LHFPL3: variants seen among roughly 807,000 people sequenced by gnomAD.
The protein encoded by LHFPL3 is LHFPL tetraspan subfamily member 3 protein.
A neutral mutation model predicts 19.3 loss-of-function variants in LHFPL3; 5 were observed. The ratio of observed to expected loss-of-function variants is 0.26; its 90% CI spans 0.14 to 0.54. LHFPL3 has a LOEUF of 0.54. Among genes scored for constraint, LHFPL3 ranks in the 20% least tolerant of loss-of-function variants. The probability of loss-of-function intolerance (pLI) is 0.94; values close to 1 mark genes in which losing one functional copy is unlikely to be tolerated. For synonymous variants in LHFPL3, 133 were observed against 126.2 expected, an observed-to-expected ratio of 1.05 and a Z score of -0.36; for missense variants, 249 against 307.4, an observed-to-expected ratio of 0.81 and a Z score of 1.42.
At chr7:104,705,534 T>C (rs912448297) in intron 1 of LHFPL3, among the ~76,000 whole-genome samples, 1 of 152,204 alleles carries the variant, frequency 6.6e-6, no homozygotes, top group African/African-American at 2.4e-5. Flanking sequence ...TTCAGTTCTA[T>C]GAGTAGGAGT....
Position 104,550,516 on chromosome 7 carries a change from G to A in LHFPL3, c.446-186159G>A, listed in dbSNP as rs573127227. Among the ~76,000 whole-genome samples, 3 of 152,268 alleles carry A rather than the reference G, an allele frequency of 2.0e-5. No homozygotes were observed. The South Asian group carries it at 6.2e-4, about 32-fold the overall frequency. On this transcript the variant is annotated intron_variant, in intron 1 of 2. Coordinates refer to ENST00000424859, the MANE Select transcript of LHFPL3 (RefSeq NM_199000.3). ...ATCTGAAAAGCCACAGAATACATGA[G>A]AGGAAAAAGGTGGAAGAGAAGCTGG... is the stretch of plus-strand genomic sequence containing the variant.
At chr7:104,829,378 G>GCA (rs1790891535) in intron 2 of LHFPL3, among the ~76,000 whole-genome samples, 1 of 151,640 alleles carries the variant, frequency 6.6e-6, no homozygotes, top group Non-Finnish European at 1.5e-5. Flanking sequence ...TGTGCACAAT[G>GCA]TGCAAATTAC....
At chr7:104,664,386 T>C (rs950966368) in intron 1 of LHFPL3, among the ~76,000 whole-genome samples, 2 of 152,212 alleles carry the variant, frequency 1.3e-5, no homozygotes, top group African/African-American at 2.4e-5. Flanking sequence ...TTAAAAACTT[T>C]AAGATGTCTC....
At chr7:104,716,070 C>T (rs1284061587) in intron 1 of LHFPL3, among the ~76,000 whole-genome samples, 1 of 152,054 alleles carries the variant, frequency 6.6e-6, no homozygotes, top group Non-Finnish European at 1.5e-5. Flanking sequence ...AAATCAGGGC[C>T]AGGCACGCTG....
At chr7:104,397,143 G>A (rs1437199380) in intron 1 of LHFPL3, among the ~76,000 whole-genome samples, 1 of 151,990 alleles carries the variant, frequency 6.6e-6, no homozygotes, top group Non-Finnish European at 1.5e-5. Flanking sequence ...ACATGAAAAT[G>A]TTCTTATAGA....
In LHFPL3 at chr7:104,766,228, A is replaced by G. The variant is rs78820307; in HGVS notation, c.682+29317A>G. ...TGATATGGGAGATTATCTAGAGAGC[A>G]ATGAGTGGAATGATCAAAAACTAAA... On this transcript the variant is annotated intron_variant, in intron 2 of 2. Transcript: ENST00000424859. 4.6e-3 allele frequency among the ~76,000 whole-genome samples: 699 copies of G among 152,296 alleles called. 31 individuals carry two copies. The East Asian group carries it at 0.1, about 22-fold the overall frequency.
chr7:104,845,384 G>T (rs1218487764), intron 2 of LHFPL3: 1 of 1,524,406 alleles, frequency 6.6e-7, no homozygotes, highest in Admixed American at 2.0e-5. Flanking sequence ...ACTCTCAGAT[G>T]ATGGAAATGC....
chr7:104,357,414 C>A (rs1790302078), intron 1 of LHFPL3, among the ~76,000 whole-genome samples: 1 of 152,104 alleles, frequency 6.6e-6, no homozygotes, highest in Non-Finnish European at 1.5e-5. Flanking sequence ...AGTTATTGAC[C>A]TGGGGCTTCT....
chr7:104,486,045 C>G (rs931174501), intron 1 of LHFPL3, among the ~76,000 whole-genome samples: 6 of 152,188 alleles, frequency 3.9e-5, no homozygotes, highest in Admixed American at 2.6e-4. Context: ...CCTTCAAGTA[C>G]TGATGGAATC....
At chr7:104,500,340 AT>A (rs5886323) in intron 1 of LHFPL3, among the ~76,000 whole-genome samples, 20,349 of 152,226 alleles carry the variant, frequency 0.13, 2,857 homozygotes, top group African/African-American at 0.36. Context: ...AGTTGAAAGA[AT>A]TTTTTATAGC....
At chr7:104,616,869 C>T (rs1199360509) in intron 1 of LHFPL3, among the ~76,000 whole-genome samples, 4 of 152,000 alleles carry the variant, frequency 2.6e-5, no homozygotes, top group African/African-American at 4.8e-5. Context: ...CAAAAGAAGA[C>T]ATTTATGTGG....
At chr7:104,354,815 G>A (rs1288005256) in intron 1 of LHFPL3, among the ~76,000 whole-genome samples, 1 of 152,074 alleles carries the variant, frequency 6.6e-6, no homozygotes, top group East Asian at 1.9e-4. Context: ...TTATAAAAAG[G>A]TGAAAGGAGA....
intron 2 of LHFPL3, among the ~76,000 whole-genome samples, chr7:104,759,056 C>T (rs145083185): frequency 2.0e-5 from 3 of 152,126 alleles, no homozygotes; most frequent in African/African-American, 4.8e-5. Flanking sequence ...TTAAGTCACG[C>T]CGAGGACAAA....
At chr7:104,392,109 T>A (rs1040095417) in intron 1 of LHFPL3, among the ~76,000 whole-genome samples, 1 of 152,226 alleles carries the variant, frequency 6.6e-6, no homozygotes, top group Non-Finnish European at 1.5e-5. Flanking sequence ...GTTTTCTAAA[T>A]TTACAGTCGT....
At chr7:104,872,440 T>C (rs1490972778) in intron 2 of LHFPL3, among the ~76,000 whole-genome samples, 1 of 150,012 alleles carries the variant, frequency 6.7e-6, no homozygotes, top group Non-Finnish European at 1.5e-5. Flanking sequence ...AGGTCAAGAG[T>C]TCAAGACTAG....
chr7:104,442,945 A>G (rs1792255245), intron 1 of LHFPL3, among the ~76,000 whole-genome samples: 1 of 152,154 alleles, frequency 6.6e-6, no homozygotes, highest in Non-Finnish European at 1.5e-5. Context: ...AATTTTCACA[A>G]TATTTGGAGG....
Position 104,906,181 on chromosome 7 carries a change from C to A in LHFPL3, c.683-6C>A. On this transcript the variant is annotated splice_polypyrimidine_tract_variant and splice_region_variant and intron_variant, in intron 2 of 2. Transcript: ENST00000424859. ...TTTTTCTCTCTCTTCCCTCCAATTT[C>A]TGCAGTTCTGCTAAGCCAATATTCT... The A allele has an allele frequency of 6.2e-7, 1 of 1,610,024 alleles. No individual in the cohort carries two copies. The highest frequency in any genetic ancestry group is 1.7e-5 in the Admixed American group (1 of 59,638).
intron 2 of LHFPL3, among the ~76,000 whole-genome samples, chr7:104,857,160 T>C (rs1424399803): frequency 6.6e-6 from 1 of 152,206 alleles, no homozygotes; most frequent in Non-Finnish European, 1.5e-5. Context: ...GTGAGCCTAT[T>C]TGACTAGTAG....
At chr7:104,601,947 G>T (rs188385986) in intron 1 of LHFPL3, among the ~76,000 whole-genome samples, 6 of 150,818 alleles carry the variant, frequency 4.0e-5, no homozygotes, top group Admixed American at 4.0e-4. Context: ...CGGTTTGATG[G>T]TTGACTTTCA....
Sources: gnomAD v4.1 joint callset for allele counts (sites outside exome capture counted in the v4.1 genomes callset) on GRCh38, gnomAD v4.1.1 for gene constraint, MANE v1.5 for transcripts, NCBI Gene and HGNC (gene_info 2026-07-23, HGNC 2026-07-21) for gene names.